HGSNAT: variants seen among roughly 807,000 people sequenced by gnomAD.
HGSNAT encodes the protein transmembrane protein 76.
A neutral mutation model predicts 85.2 loss-of-function variants in HGSNAT; 59 were observed. The ratio of observed to expected loss-of-function variants is 0.69; its 90% CI spans 0.56 to 0.86. HGSNAT has a LOEUF of 0.86. Ranked by LOEUF, HGSNAT falls within the 40% of genes least tolerant of loss-of-function variation. The pLI, the probability that HGSNAT is intolerant of heterozygous loss-of-function variation, is 0.00. For missense variants in HGSNAT, 756 were observed against 777.1 expected, an observed-to-expected ratio of 0.97 and a Z score of 0.32; for synonymous variants, 321 against 304.5, an observed-to-expected ratio of 1.05 and a Z score of -0.56.
At position 43,178,106 on chromosome 8, in the gene HGSNAT, T is replaced by A; in HGVS notation, c.884T>A (p.Leu295Gln). The change falls in exon 10 of 18, where the codon CTA (leucine) becomes CAA (glutamine). Residue 295 changes from leucine to glutamine, a missense_variant. Coordinates refer to ENST00000379644, the MANE Select transcript of HGSNAT (RefSeq NM_152419.3). ...TTTATTATGGGATCTTCCATTTTTC[T>A]ATCGATGACTTCTATACTGCAACGG... is the stretch of plus-strand genomic sequence containing the variant. ...FVFIMGSSIF[L>Q]SMTSILQRGC... 6.2e-7 allele frequency: 1 copy of A among 1,612,962 alleles called. No homozygotes were observed. The highest frequency in any genetic ancestry group is 8.5e-7 in the Non-Finnish European group (1 of 1,179,480).
intron 5 of HGSNAT, among the ~76,000 whole-genome samples, chr8:43,163,521 CTT>C (rs561461706): frequency 1.0e-3 from 143 of 143,314 alleles, no homozygotes; most frequent in African/African-American, 3.4e-3. Flanking sequence ...CCTTTTCACC[CTT>C]TTTTTTTTTT....
At chr8:43,181,086 G>A (rs1164314702) in intron 10 of HGSNAT, among the ~76,000 whole-genome samples, 2 of 18 alleles carry the variant, frequency 0.11, no homozygotes, top group Middle Eastern at 0.5. Flanking sequence ...GACCGTGGAG[G>A]GAGAGGGAGA....
In HGSNAT at chr8:43,198,244, G is replaced by A. The variant is rs182133260; in HGVS notation, c.1726+292G>A. 6.6e-5 allele frequency among the ~76,000 whole-genome samples: 10 copies of A among 151,778 alleles called. No homozygotes were observed. In the East Asian group the frequency reaches 1.7e-3, roughly 26 times the overall value. On this transcript the variant is annotated intron_variant, in intron 17 of 17. Coordinates refer to ENST00000379644, the MANE Select transcript of HGSNAT (RefSeq NM_152419.3). ...AGGCTATACCAAATTGTGGAGGAGC[G>A]GAAATGATTCAGGGCACATTATCCA...
At chr8:43,178,765 G>A (rs1454652442) in intron 10 of HGSNAT, among the ~76,000 whole-genome samples, 3 of 149,540 alleles carry the variant, frequency 2.0e-5, no homozygotes, top group Admixed American at 6.6e-5. Context: ...TTGGCCTTCC[G>A]CAGTGTTTGT....
intron 11 of HGSNAT, among the ~76,000 whole-genome samples, chr8:43,187,804 T>C (rs1804371883): frequency 6.6e-6 from 1 of 152,238 alleles, no homozygotes; most frequent in Admixed American, 6.5e-5. Flanking sequence ...CCATGTTTAG[T>C]GCTTCCTTGA....
intron 1 of HGSNAT, 32 bp downstream of exon 1, chr8:43,140,646 G>T: frequency 1.2e-5 from 13 of 1,096,858 alleles, no homozygotes; most frequent in Non-Finnish European, 1.4e-5. Flanking sequence ...CCGCCCGGCC[G>T]GCTACGAGCG....
rs1429023571 is a variant in HGSNAT at position 43,202,568 on chromosome 8, A to C, written c.*2999A>C. The C allele has an allele frequency of 6.6e-6, 1 of 152,180 alleles. No homozygotes were observed. Among genetic ancestry groups the C allele is most frequent in the African/African-American group, 2.4e-5 (1 of 41,442 alleles). The allele number at this position is 152,180 out of a possible 1,614,324, so 9.4% of individuals were successfully genotyped here. ...CTAAGTAATGGAGCAAAAAAATTCT[A>C]TTCTGTAGAATGGGGAGAGAAAATG... On this transcript the variant is annotated 3_prime_UTR_variant, in exon 18 of 18. Transcript: ENST00000379644.
At chr8:43,148,425 A>G (rs1371093658) in intron 2 of HGSNAT, among the ~76,000 whole-genome samples, 1 of 152,040 alleles carries the variant, frequency 6.6e-6, no homozygotes, top group Non-Finnish European at 1.5e-5. Flanking sequence ...TAGGGCAAGT[A>G]AGACCATTAT....
At chr8:43,152,887 T>G (rs1307489223) in intron 2 of HGSNAT, among the ~76,000 whole-genome samples, 1 of 152,146 alleles carries the variant, frequency 6.6e-6, no homozygotes, top group Non-Finnish European at 1.5e-5. Context: ...TCTATTAATA[T>G]GTAAATAGAA....
rs550650782 is a variant in HGSNAT, at chr8:43,199,966, C to T, written c.*397C>T. 18 of 156,798 alleles carry T rather than the reference C, an allele frequency of 1.1e-4. No individual in the cohort carries two copies. The highest frequency in any genetic ancestry group is 4.1e-4 in the South Asian group (2 of 4,892). 9.7% of individuals were successfully genotyped at this position (156,798 alleles called of 1,614,324 possible). ...TGCAAACTTCCTTTCCACGTGTACG[C>T]GCACACCAACACGAAATGCCATCAC... On this transcript the variant is annotated 3_prime_UTR_variant, in exon 18 of 18. Coordinates refer to ENST00000379644, the MANE Select transcript of HGSNAT (RefSeq NM_152419.3).
At chr8:43,196,545 C>T in intron 14 of HGSNAT, 1 of 1,283,024 alleles carries the variant, frequency 7.8e-7, no homozygotes, top group Non-Finnish European at 1.0e-6. Context: ...GCCCAGGTGC[C>T]CCTTCTCCTC....
At chr8:43,143,961 T>C (rs751386261) in intron 1 of HGSNAT, among the ~76,000 whole-genome samples, 7 of 152,066 alleles carry the variant, frequency 4.6e-5, no homozygotes, top group African/African-American at 9.7e-5. Flanking sequence ...TCAGCACAAC[T>C]GAATTGGAGA....
At chr8:43,141,865 CTT>C (rs1473527579) in intron 1 of HGSNAT, among the ~76,000 whole-genome samples, 2 of 152,100 alleles carry the variant, frequency 1.3e-5, no homozygotes, top group African/African-American at 2.4e-5. Context: ...GCCGAACACT[CTT>C]TGCATTTTAG....
At chr8:43,142,781 C>G (rs1802592836) in intron 1 of HGSNAT, among the ~76,000 whole-genome samples, 1 of 152,168 alleles carries the variant, frequency 6.6e-6, no homozygotes, top group Non-Finnish European at 1.5e-5. Flanking sequence ...TCTGCACATT[C>G]CCAAATAGCA....
At chr8:43,166,700 A>G (rs1299489089) in intron 5 of HGSNAT, among the ~76,000 whole-genome samples, 1 of 152,240 alleles carries the variant, frequency 6.6e-6, no homozygotes, top group Admixed American at 6.5e-5. Flanking sequence ...CTGTAACACA[A>G]TATCCATTCT....
At chr8:43,187,127 A>G (rs190486602) in intron 11 of HGSNAT, among the ~76,000 whole-genome samples, 61 of 152,240 alleles carry the variant, frequency 4.0e-4, no homozygotes, top group African/African-American at 1.4e-3. Context: ...TGTTGATTTG[A>G]GGTGGAGAGT....
At chr8:43,156,298 A>C (rs1019426164) in intron 2 of HGSNAT, among the ~76,000 whole-genome samples, 1 of 151,834 alleles carries the variant, frequency 6.6e-6, no homozygotes, top group Non-Finnish European at 1.5e-5. Context: ...GAAAATTTTA[A>C]ATTTCTTTTA....
At chr8:43,196,623 C>G (rs1326913777) in intron 14 of HGSNAT, 1 of 942,590 alleles carries the variant, frequency 1.1e-6, no homozygotes. Context: ...ACCATGCTTC[C>G]CCCGAGCTCT....
chr8:43,178,074 G>T lies in HGSNAT; in HGVS notation c.852G>T (p.Trp284Cys), dbSNP rs777146364. ...CTATTAATAACTAGATTCTTTTTAG[G>T]TTTGTATTTATTATGGGATCTTCCA... ...GLTVADLVFPWFVFIMGSSIF... is the reference protein window; with the variant it reads ...GLTVADLVFPCFVFIMGSSIF... Residue 284 changes from tryptophan to cysteine, a missense_variant and splice_region_variant, in exon 10 of 18, where the codon TGG becomes TGT. By Grantham distance (215) the Trp-to-Cys change is radical. Transcript: ENST00000379644. 8.7e-6 allele frequency: 14 copies of T among 1,612,744 alleles called. No individual in the cohort carries two copies. The highest frequency in any genetic ancestry group is 5.0e-5 in the Admixed American group (3 of 59,974).
Sources: gnomAD v4.1 joint callset for allele counts (sites outside exome capture counted in the v4.1 genomes callset) on GRCh38, gnomAD v4.1.1 for gene constraint, MANE v1.5 for transcripts, NCBI Gene and HGNC (gene_info 2026-07-23, HGNC 2026-07-21) for gene names.